Variants in LMBR1L observed in about 807,000 individuals in gnomAD.
LMBR1L encodes the protein protein LMBR1L.
In LMBR1L, 47 loss-of-function variants were observed where a neutral mutation model predicts 67.3. That is an observed-to-expected ratio of 0.70 (90% CI 0.55 to 0.89). The LOEUF is 0.89. Among genes scored for constraint, LMBR1L ranks in the 40% least tolerant of loss-of-function variants. The probability of loss-of-function intolerance (pLI) is 0.00; values close to 1 mark genes in which losing one functional copy is unlikely to be tolerated. For missense variants in LMBR1L, 533 were observed against 599.2 expected (o/e 0.89, Z 1.15); for synonymous variants, 247 against 250.3 (o/e 0.99, Z 0.13).
Position 49,102,745 on chromosome 12 carries a change from G to A in LMBR1L, c.696+142C>T, listed in dbSNP as rs187176870. On this transcript the variant is annotated intron_variant, in intron 8 of 16. Transcript: ENST00000267102. ...GTCTAGTGACCAGCTCTGCATGATA[G>A]GGGTACAGAATACAGGAACCAACAA... 276 of 870,382 alleles carry A rather than the reference G, an allele frequency of 3.2e-4. 1 individual carries two copies. The African/African-American group carries it at 3.9e-3, about 12-fold the overall frequency. The allele number at this position is 870,382 out of a possible 1,614,324, so 53.9% of individuals were successfully genotyped here.
rs770437538 is a variant in LMBR1L at position 49,106,568 on chromosome 12, G to T, written c.157+393C>A. On this transcript the variant is annotated intron_variant, in intron 2 of 16. Coordinates refer to ENST00000267102, the MANE Select transcript of LMBR1L (RefSeq NM_018113.4). ...ACCAGGTTCCCCAGTCATCAGGGAGGTCTCTGGTCCTGGCTGTGGAAGCAC... is the reference window on the plus strand; with the variant it reads ...ACCAGGTTCCCCAGTCATCAGGGAGTTCTCTGGTCCTGGCTGTGGAAGCAC... 2.3e-6 allele frequency: 3 copies of T among 1,315,226 alleles called. No individual in the cohort carries two copies. The East Asian group carries it at 1.6e-4, about 71-fold the overall frequency. 81.5% of individuals were successfully genotyped at this position (1,315,226 alleles called of 1,614,324 possible). A position where few individuals can be genotyped will look rare whatever the true frequency, so the allele number is the denominator to read the frequency against.
At chr12:49,098,303 C>T (rs745551292) in intron 15 of LMBR1L, among the ~76,000 whole-genome samples, 198 bp from the exon 16 acceptor site, 6 of 152,234 alleles carry the variant, frequency 3.9e-5, no homozygotes, top group Non-Finnish European at 7.3e-5. Flanking sequence ...GCTTCAACTT[C>T]GCTTCCAGAG....
chr12:49,109,657 G>A (rs1030598972), intron 1 of LMBR1L: 5 of 455,894 alleles, frequency 1.1e-5, no homozygotes, highest in African/African-American at 2.0e-5. Flanking sequence ...ACAGGAGAAA[G>A]GAGAGAGGTG....
intron 8 of LMBR1L, 106 bp downstream of exon 8, chr12:49,102,779 GCT>G (rs1193277173): frequency 9.4e-7 from 1 of 1,066,070 alleles, no homozygotes; most frequent in African/African-American, 1.6e-5. Context: ...AAAGGCTGTA[GCT>G]CTCTGCAAGT....
intron 1 of LMBR1L, among the ~76,000 whole-genome samples, chr12:49,107,986 T>C (rs1941106946): frequency 6.6e-6 from 1 of 151,880 alleles, no homozygotes; most frequent in Admixed American, 6.6e-5. Context: ...AAAATTGGGC[T>C]GGGCGTTGAG....
intron 16 of LMBR1L, 76 bp downstream of exon 16, chr12:49,097,868 G>A: frequency 1.3e-6 from 2 of 1,590,652 alleles, no homozygotes; most frequent in Non-Finnish European, 1.7e-6. Context: ...CCTCTCCCCT[G>A]CTGGGGTGAT....
chr12:49,110,228 G>A (rs1941387011), intron 1 of LMBR1L: 2 of 576,424 alleles, frequency 3.5e-6, no homozygotes, highest in Non-Finnish European at 6.2e-6. Context: ...TGGGTGAGGG[G>A]TGGGAGGGAG....
rs374969605 is a variant in LMBR1L, at chr12:49,100,475, G to A, written c.1174-21C>T. ...ATTATCTGGGTGGAAGCAGGGAAAG[G>A]AGAGGTGAGGGTGGAAGAGCTGCAG... On this transcript the variant is annotated intron_variant, in intron 14 of 16. Coordinates refer to ENST00000267102, the MANE Select transcript of LMBR1L (RefSeq NM_018113.4). 177 of 1,612,496 alleles carry A rather than the reference G, an allele frequency of 1.1e-4. 1 individual carries two copies. The highest frequency in any genetic ancestry group is 5.7e-4 in the South Asian group (52 of 91,038).
rs1465419939 is a variant in LMBR1L, at chr12:49,106,607, GAC to G, written c.157+352_157+353del. The G allele has an allele frequency of 2.1e-5, 28 of 1,329,642 alleles. No individual in the cohort carries two copies. In the Admixed American group the frequency reaches 6.3e-4, roughly 30 times the overall value. The allele number at this position is 1,329,642 out of a possible 1,614,324, so 82.4% of individuals were successfully genotyped here. A position where few individuals can be genotyped will look rare whatever the true frequency, so the allele number is the denominator to read the frequency against. On this transcript the variant is annotated intron_variant, in intron 2 of 16. Coordinates refer to ENST00000267102, the MANE Select transcript of LMBR1L (RefSeq NM_018113.4). The stretch of plus-strand genomic sequence containing the variant: ...CTGTGGAAGCACTAGGAGAGGAGAT[GAC>G]ACAGAGCCTGTGCCCGTAATGACAT...
intron 15 of LMBR1L, among the ~76,000 whole-genome samples, chr12:49,098,978 C>CTTT (rs757291862): frequency 7.2e-6 from 1 of 138,276 alleles, no homozygotes; most frequent in African/African-American, 2.7e-5. Context: ...ATTAAAAACA[C>CTTT]TTTTTTTTTT....
At chr12:49,106,445 G>T in intron 2 of LMBR1L, 1 of 572,704 alleles carries the variant, frequency 1.7e-6, no homozygotes, top group Non-Finnish European at 2.9e-6. Context: ...CTAGGAACTG[G>T]GGCAAGTGTG....
In LMBR1L at chr12:49,105,964, GAGAC is replaced by G. The variant is rs1940847826; in HGVS notation, c.158-11_158-8del. 1 of 1,612,960 alleles carries G rather than the reference GAGAC, an allele frequency of 6.2e-7. No individual in the cohort carries two copies. Among genetic ancestry groups the G allele is most frequent in the East Asian group, 2.2e-5 (1 of 44,788 alleles). ...GTGGCATCTTCATCATCCACTGTAAGAGACAGAGGCACGGGGAACAGGCAGGAGG... is the reference window on the plus strand; with the variant it reads ...GTGGCATCTTCATCATCCACTGTAAGAGAGGCACGGGGAACAGGCAGGAGG... On this transcript the variant is annotated splice_region_variant and splice_polypyrimidine_tract_variant and intron_variant, in intron 2 of 16. Transcript: ENST00000267102.
Position 49,104,786 on chromosome 12 carries a change from C to G in LMBR1L, c.291G>C (p.Arg97=), listed in dbSNP as rs764758954. 6.2e-7 allele frequency: 1 copy of G among 1,613,614 alleles called. No homozygotes were observed. Among genetic ancestry groups the G allele is most frequent in the African/African-American group, 1.3e-5 (1 of 74,904 alleles). ...CGTTGAGCCACTGGATGTAGTAGTT[C>G]CGAGGCAGGGAGAGCAGCACCTCAT... ...ISNEVLLSLP[R]NYYIQWLNGS... is the part of the protein sequence containing the mutation. Residue 97 remains arginine (R), a synonymous_variant, in exon 4 of 17, where the codon CGG becomes CGC. Coordinates refer to ENST00000267102, the MANE Select transcript of LMBR1L (RefSeq NM_018113.4).
In LMBR1L at chr12:49,097,599, C is replaced by T; in HGVS notation, c.*73G>A. 2.0e-6 allele frequency: 3 copies of T among 1,490,992 alleles called. No individual in the cohort carries two copies. The highest frequency in any genetic ancestry group is 1.9e-6 in the Non-Finnish European group (2 of 1,074,500). The allele number at this position is 1,490,992 out of a possible 1,614,324, so 92.4% of individuals were successfully genotyped here. A position where few individuals can be genotyped will look rare whatever the true frequency, so the allele number is the denominator to read the frequency against. On this transcript the variant is annotated 3_prime_UTR_variant, in exon 17 of 17. Coordinates refer to ENST00000267102, the MANE Select transcript of LMBR1L (RefSeq NM_018113.4). ...ATTCCAGGTCCTGAGGTCCAAGTAG[C>T]CTTGGGCTTCCCTCCAGGCCTAGGC...
Position 49,097,620 on chromosome 12 carries a change from T to C in LMBR1L, c.*52A>G. 2 of 1,580,738 alleles carry C rather than the reference T, an allele frequency of 1.3e-6. No individual in the cohort carries two copies. The highest frequency in any genetic ancestry group is 1.7e-6 in the Non-Finnish European group (2 of 1,152,210). On this transcript the variant is annotated 3_prime_UTR_variant, in exon 17 of 17. Coordinates refer to ENST00000267102, the MANE Select transcript of LMBR1L (RefSeq NM_018113.4). ...GTAGCCTTGGGCTTCCCTCCAGGCC[T>C]AGGCAGCAGATGGCAGTGTCCAGTT... is the stretch of plus-strand genomic sequence containing the variant.
intron 1 of LMBR1L, chr12:49,109,949 T>A: frequency 2.3e-6 from 1 of 437,594 alleles, no homozygotes; most frequent in South Asian, 1.6e-5. Context: ...TTGTTCCTCA[T>A]CTCTACATAT....
Position 49,102,110 on chromosome 12 carries a change from G to T in LMBR1L, c.930+10C>A. The T allele has an allele frequency of 6.2e-7, 1 of 1,613,516 alleles. No individual in the cohort carries two copies. Reference sequence around the variant, plus strand: ...GGTCCACTCCTCACCTCTAGGGCTGGTATACCTACCGTCAGCACCAGCAAG... The same window carrying T: ...GGTCCACTCCTCACCTCTAGGGCTGTTATACCTACCGTCAGCACCAGCAAG... On this transcript the variant is annotated intron_variant, in intron 11 of 16. Transcript: ENST00000267102.
At chr12:49,103,605 T>A in intron 6 of LMBR1L, 82 bp downstream of exon 6, 2 of 1,502,686 alleles carry the variant, frequency 1.3e-6, no homozygotes, top group Non-Finnish European at 1.8e-6. Flanking sequence ...ATTTTCCACT[T>A]TAGAAGGTTA....
chr12:49,103,501 A>G (rs1940486044), intron 6 of LMBR1L, among the ~76,000 whole-genome samples, 186 bp downstream of exon 6: 1 of 152,222 alleles, frequency 6.6e-6, no homozygotes, highest in African/African-American at 2.4e-5. Flanking sequence ...TATTTTTAAA[A>G]CCATTGCATG....
Sources: allele counts gnomAD v4.1 joint callset (sites outside exome capture counted in the v4.1 genomes callset), GRCh38; gene constraint gnomAD v4.1.1; transcripts MANE v1.5; gene names NCBI Gene and HGNC (gene_info 2026-07-23, HGNC 2026-07-21).